The following SPOPL variants were observed in gnomAD, a reference collection of about 807,000 sequenced individuals.
SPOPL encodes speckle type BTB/POZ protein like.
In SPOPL, 23 loss-of-function variants were observed where a neutral mutation model predicts 53.8. That is an observed-to-expected ratio of 0.43 (90% CI 0.31 to 0.61). SPOPL has a LOEUF of 0.61. SPOPL is among the 20% of genes least tolerant of loss of function. The probability of loss-of-function intolerance (pLI) is 0.12; values close to 1 mark genes in which losing one functional copy is unlikely to be tolerated. For missense variants in SPOPL, 442 were observed against 466.9 expected, an observed-to-expected ratio of 0.95 and a Z score of 0.49; for synonymous variants, 164 against 149.7, an observed-to-expected ratio of 1.10 and a Z score of -0.70.
chr2:138,536,079 A>G (rs1366323639), intron 1 of SPOPL, among the ~76,000 whole-genome samples: 2 of 152,086 alleles, frequency 1.3e-5, no homozygotes, highest in African/African-American at 4.8e-5. Context: ...TTCTTTACAC[A>G]TACTTATTAA....
chr2:138,518,189 A>G (rs555771082), intron 1 of SPOPL, among the ~76,000 whole-genome samples: 4 of 152,208 alleles, frequency 2.6e-5, no homozygotes, highest in Admixed American at 6.5e-5. Flanking sequence ...CGGAAGCTTT[A>G]ATAAAATGTT....
chr2:138,539,535 G>A (rs1685018267), intron 1 of SPOPL, among the ~76,000 whole-genome samples: 1 of 152,214 alleles, frequency 6.6e-6, no homozygotes, highest in South Asian at 2.1e-4. Flanking sequence ...TCTGTTGGCT[G>A]CATAAATGTC....
intron 8 of SPOPL, among the ~76,000 whole-genome samples, chr2:138,562,736 A>G (rs1685576087): frequency 6.7e-6 from 1 of 149,072 alleles, no homozygotes; most frequent in Admixed American, 6.8e-5. Flanking sequence ...GTGAGCCAAG[A>G]TCATGCCACT....
chr2:138,543,835 T>A lies in SPOPL; in HGVS notation c.-60-6322T>A, dbSNP rs529370835. Among the ~76,000 whole-genome samples, 9 of 152,328 alleles carry A rather than the reference T, an allele frequency of 5.9e-5. No homozygotes were observed. The East Asian group carries it at 1.3e-3, about 23-fold the overall frequency. On this transcript the variant is annotated intron_variant, in intron 1 of 10. Transcript: ENST00000280098. ...TCTGATTTTTAGAGTTTCCAGTTTT[T>A]CTGCTCTGTTTTTTCCCCATCTTTG...
chr2:138,537,087 G>C (rs1038746900), intron 1 of SPOPL, among the ~76,000 whole-genome samples: 1 of 152,190 alleles, frequency 6.6e-6, no homozygotes, highest in African/African-American at 2.4e-5. Flanking sequence ...GAAGAAGGGA[G>C]CCAGCCCCTT....
chr2:138,570,142 A>G lies in SPOPL; in HGVS notation c.*1062A>G, dbSNP rs1229437729. ...ATTGAATTGACTCCTATTTTCTCAC[A>G]CTTTGGAAAAGACACCTGAACAATA... On this transcript the variant is annotated 3_prime_UTR_variant, in exon 11 of 11. Coordinates refer to ENST00000280098, the MANE Select transcript of SPOPL (RefSeq NM_001001664.3). The G allele has an allele frequency of 6.6e-6, 1 of 152,204 alleles. No homozygotes were observed. The highest frequency in any genetic ancestry group is 2.4e-5 in the African/African-American group (1 of 41,440). 9.4% of individuals were successfully genotyped at this position (152,204 alleles called of 1,614,324 possible). A position where few individuals can be genotyped will look rare whatever the true frequency, so the allele number is the denominator to read the frequency against.
In SPOPL at chr2:138,560,853, A is replaced by G; in HGVS notation, c.763A>G (p.Met255Val). The part of the protein sequence containing the change: ...DLDPEVFKEM[M>V]RFIYTGRAPN... ...AGACCCTGAAGTTTTTAAAGAAATG[A>G]TGAGATTCATTTACACAGGGAGAGC... The change falls in exon 8 of 11, where the codon ATG (methionine) becomes GTG (valine). Residue 255 changes from methionine (M) to valine (V), a missense_variant. Physicochemically the swap from Met to Val is conservative, Grantham distance 21 (BLOSUM62 1). Transcript: ENST00000280098. The G allele has an allele frequency of 1.2e-6, 2 of 1,610,202 alleles. No homozygotes were observed. Among genetic ancestry groups the G allele is most frequent in the Non-Finnish European group, 1.7e-6 (2 of 1,178,966 alleles).
At chr2:138,558,737 T>G (rs770702487) in intron 5 of SPOPL, among the ~76,000 whole-genome samples, 3 of 152,178 alleles carry the variant, frequency 2.0e-5, no homozygotes, top group African/African-American at 4.8e-5. Context: ...GTGGCTTTTC[T>G]ATTGAGAAAT....
intron 1 of SPOPL, among the ~76,000 whole-genome samples, chr2:138,510,340 A>T (rs1684300708): frequency 6.6e-6 from 1 of 152,216 alleles, no homozygotes; most frequent in South Asian, 2.1e-4. Flanking sequence ...CGCATCAGCG[A>T]TGAGTGAGAG....
intron 1 of SPOPL, among the ~76,000 whole-genome samples, chr2:138,521,680 A>G (rs921111841): frequency 1.2e-4 from 19 of 152,152 alleles, no homozygotes; most frequent in Admixed American, 7.2e-4. Flanking sequence ...AAGTAGAAAA[A>G]GAGTTGTTCC....
rs562540565 is a variant in SPOPL, at chr2:138,559,303, C to T, written c.680C>T (p.Ala227Val). Reference protein sequence around the residue: ...VLAARSPVFNAMFEHEMEESK... With the variant: ...VLAARSPVFNVMFEHEMEESK... ...ACAGCTCGATCTCCAGTTTTTAACG[C>T]CATGTTTGAACATGAAATGGAAGAA... Residue 227 changes from alanine (A) to valine (V), a missense_variant, in exon 7 of 11, where the codon GCC (alanine) becomes GTC (valine). Coordinates refer to ENST00000280098, the MANE Select transcript of SPOPL (RefSeq NM_001001664.3). 9.3e-6 allele frequency: 15 copies of T among 1,612,442 alleles called. No homozygotes were observed. In the African/African-American group the frequency reaches 1.5e-4, roughly 16 times the overall value.
At chr2:138,538,907 C>G (rs1480765162) in intron 1 of SPOPL, among the ~76,000 whole-genome samples, 2 of 152,074 alleles carry the variant, frequency 1.3e-5, no homozygotes, top group Non-Finnish European at 2.9e-5. Context: ...ACTCTCCCCA[C>G]CCCACAACAG....
chr2:138,542,716 G>C (rs1415224868), intron 1 of SPOPL, among the ~76,000 whole-genome samples: 8 of 152,106 alleles, frequency 5.3e-5, no homozygotes, highest in African/African-American at 1.9e-4. Context: ...CTTTTAATTG[G>C]AGCATTTAGC....
Position 138,569,917 on chromosome 2 carries a change from A to G in SPOPL, c.*837A>G, listed in dbSNP as rs1197870113. On this transcript the variant is annotated 3_prime_UTR_variant, in exon 11 of 11. Coordinates refer to ENST00000280098, the MANE Select transcript of SPOPL (RefSeq NM_001001664.3). Reference sequence around the variant, plus strand: ...AGTGGGCCAATTAAGAAAGATACATATGCACTTTTACTGTGTAACTTTTGT... The same window carrying G: ...AGTGGGCCAATTAAGAAAGATACATGTGCACTTTTACTGTGTAACTTTTGT... 3.3e-5 allele frequency: 5 copies of G among 152,566 alleles called. No individual in the cohort carries two copies. The highest frequency in any genetic ancestry group is 7.4e-5 in the Non-Finnish European group (5 of 68,014). 9.5% of individuals were successfully genotyped at this position (152,566 alleles called of 1,614,324 possible). A position where few individuals can be genotyped will look rare whatever the true frequency, so the allele number is the denominator to read the frequency against.
At chr2:138,518,410 T>C (rs1167344836) in intron 1 of SPOPL, among the ~76,000 whole-genome samples, 2 of 152,226 alleles carry the variant, frequency 1.3e-5, no homozygotes, top group Non-Finnish European at 2.9e-5. Flanking sequence ...TCCTGTAATA[T>C]GACTTTTATG....
At position 138,502,000 on chromosome 2, in the gene SPOPL, T is replaced by A. The variant is rs1684103676; in HGVS notation, c.-180T>A. 1 of 152,756 alleles carries A rather than the reference T, an allele frequency of 6.5e-6. No individual in the cohort carries two copies. The highest frequency in any genetic ancestry group is 1.5e-5 in the Non-Finnish European group (1 of 68,540). 9.5% of individuals were successfully genotyped at this position (152,756 alleles called of 1,614,324 possible). On this transcript the variant is annotated 5_prime_UTR_variant, in exon 1 of 11. It adds an upstream start codon to the 5' untranslated region. Coordinates refer to ENST00000280098, the MANE Select transcript of SPOPL (RefSeq NM_001001664.3). The stretch of plus-strand genomic sequence containing the variant: ...CGGCGGAGGCGGCCGCCACAGGGAC[T>A]TGCCGCCATCACCCCTGCTGCCACC...
intron 8 of SPOPL, among the ~76,000 whole-genome samples, chr2:138,561,620 AT>A (rs1558881037): frequency 6.6e-6 from 1 of 152,164 alleles, no homozygotes. Context: ...TATGGAATCT[AT>A]TTTTTCTGAC....
At chr2:138,516,197 A>G (rs1684434121) in intron 1 of SPOPL, among the ~76,000 whole-genome samples, 2 of 152,324 alleles carry the variant, frequency 1.3e-5, no homozygotes, top group South Asian at 2.1e-4. Flanking sequence ...GAGGGTTTAC[A>G]GGATGGTTGC....
chr2:138,544,763 C>A (rs1685155395), intron 1 of SPOPL, among the ~76,000 whole-genome samples: 1 of 152,200 alleles, frequency 6.6e-6, no homozygotes, highest in African/African-American at 2.4e-5. Context: ...TCCGACACTC[C>A]CCAGTGAGAT....
Sources: gnomAD v4.1 joint callset for allele counts (sites outside exome capture counted in the v4.1 genomes callset) on GRCh38, gnomAD v4.1.1 for gene constraint, MANE v1.5 for transcripts, NCBI Gene and HGNC (gene_info 2026-07-23, HGNC 2026-07-21) for gene names.